The following WRNIP1 variants were observed in gnomAD, a reference collection of about 807,000 sequenced individuals.
The protein encoded by WRNIP1 is ATPase WRNIP1.
Under a neutral mutation model 56.1 loss-of-function variants are expected in WRNIP1, and 41 were observed. The observed-to-expected ratio is 0.73, with a 90% CI of 0.57 to 0.95. The LOEUF (loss-of-function observed/expected upper bound fraction) is 0.95. Among genes scored for constraint, WRNIP1 ranks in the 40% least tolerant of loss-of-function variants. The pLI is 0.00. For synonymous variants in WRNIP1, 547 were observed against 398.1 expected (o/e 1.37, Z -4.45); for missense variants, 1,170 against 939.4 (o/e 1.25, Z -3.21).
intron 4 of WRNIP1, among the ~76,000 whole-genome samples, chr6:2,782,665 C>T (rs1265088235): frequency 6.6e-6 from 1 of 152,256 alleles, no homozygotes; most frequent in African/African-American, 2.4e-5. Flanking sequence ...GCAGGTGCCA[C>T]TGCTTAGTTC....
At chr6:2,780,987 TTTTA>T (rs1297106555) in intron 4 of WRNIP1, among the ~76,000 whole-genome samples, 2 of 152,212 alleles carry the variant, frequency 1.3e-5, no homozygotes, top group African/African-American at 2.4e-5. Context: ...ATTACCCCCA[TTTTA>T]AGATAACAAA....
chr6:2,781,230 A>G (rs899220481), intron 4 of WRNIP1, among the ~76,000 whole-genome samples: 4 of 152,202 alleles, frequency 2.6e-5, no homozygotes, highest in African/African-American at 9.6e-5. Flanking sequence ...AGCTCTGCAC[A>G]GTGGGGATCA....
chr6:2,774,541 G>A (rs1765387899), intron 3 of WRNIP1, among the ~76,000 whole-genome samples: 2 of 152,138 alleles, frequency 1.3e-5, no homozygotes, highest in Admixed American at 6.5e-5. Flanking sequence ...TTGGATTTAA[G>A]GTACACTCTA....
chr6:2,766,258 G>T lies in WRNIP1; in HGVS notation c.636G>T (p.Ala212=), dbSNP rs1161817265. 2.0e-6 allele frequency: 3 copies of T among 1,528,754 alleles called. No homozygotes were observed. Among genetic ancestry groups the T allele is most frequent in the Non-Finnish European group, 1.8e-6 (2 of 1,138,750 alleles). 94.7% of individuals were successfully genotyped at this position (1,528,754 alleles called of 1,614,324 possible). A position where few individuals can be genotyped will look rare whatever the true frequency, so the allele number is the denominator to read the frequency against. Residue 212 remains alanine (A), a synonymous_variant, in exon 1 of 7, where the codon GCG becomes GCT. Transcript: ENST00000380773. The part of the protein sequence containing the change: ...ASGGGRPHPR[A]LAAEEIRQML... Reference sequence around the variant, plus strand: ...GCGGGGGCCGCCCGCACCCCCGGGCGCTGGCTGCCGAGGAGATCCGACAGA... The same window carrying T: ...GCGGGGGCCGCCCGCACCCCCGGGCTCTGGCTGCCGAGGAGATCCGACAGA...
At chr6:2,768,960 C>G in intron 2 of WRNIP1, 78 bp downstream of exon 2, 1 of 1,409,198 alleles carries the variant, frequency 7.1e-7, no homozygotes, top group Non-Finnish European at 9.6e-7. Context: ...TATACAAACG[C>G]TAGAGACTTA....
At chr6:2,775,165 G>A (rs538424848) in intron 3 of WRNIP1, among the ~76,000 whole-genome samples, 1 of 152,170 alleles carries the variant, frequency 6.6e-6, no homozygotes, top group Non-Finnish European at 1.5e-5. Flanking sequence ...TGCTACAAGG[G>A]GTGGAGGTGC....
chr6:2,784,686 G>A (rs976589409), intron 6 of WRNIP1, among the ~76,000 whole-genome samples: 12 of 152,062 alleles, frequency 7.9e-5, no homozygotes, highest in African/African-American at 2.9e-4. Context: ...GAACAGCAAA[G>A]CCTCTGCAAG....
intron 5 of WRNIP1, 122 bp from the exon 6 acceptor site, chr6:2,784,202 C>T (rs1176807591): frequency 3.8e-6 from 3 of 784,152 alleles, no homozygotes; most frequent in Non-Finnish European, 6.1e-6. Context: ...GGCTGTTTTG[C>T]TACATGGGAT....
chr6:2,783,628 T>C (rs1765630558), intron 5 of WRNIP1, 67 bp downstream of exon 5: 2 of 454,192 alleles, frequency 4.4e-6, no homozygotes, highest in South Asian at 2.0e-4. Context: ...AACAGTTACA[T>C]CGTGGCTTTT....
rs78352545 is a variant in WRNIP1 at position 2,768,993 on chromosome 6, G to A, written c.1014+111G>A. 515 of 1,125,022 alleles carry A rather than the reference G, an allele frequency of 4.6e-4. No homozygotes were observed. The African/African-American group carries it at 7.3e-3, about 16-fold the overall frequency. The allele number at this position is 1,125,022 out of a possible 1,614,324, so 69.7% of individuals were successfully genotyped here. The stretch of plus-strand genomic sequence containing the variant: ...TTACGAGCTTTGTTTACAAAGAAGC[G>A]TAGGCTTGTGAACCCATCTCCTTCA... On this transcript the variant is annotated intron_variant, in intron 2 of 6. Coordinates refer to ENST00000380773, the MANE Select transcript of WRNIP1 (RefSeq NM_020135.3).
In WRNIP1 at chr6:2,765,675, T is replaced by C; in HGVS notation, c.53T>C (p.Val18Ala). 1.3e-6 allele frequency: 2 copies of C among 1,552,340 alleles called. No homozygotes were observed. The highest frequency in any genetic ancestry group is 1.4e-5 in the African/African-American group (1 of 70,458). The change falls in exon 1 of 7, where the codon GTG becomes GCG. Residue 18 changes from valine to alanine, a missense_variant. Transcript: ENST00000380773. The stretch of plus-strand genomic sequence containing the variant: ...CCCTTCCTTTCGCAGCTGCACCAGG[T>C]GCAGTGCCCCGTGTGCCAGCAGATG... ...DDPFLSQLHQ[V>A]QCPVCQQMMP...
rs371970393 is a variant in WRNIP1, at chr6:2,770,199, A to G, written c.1094A>G (p.Asn365Ser). 5.6e-6 allele frequency: 9 copies of G among 1,614,194 alleles called. No individual in the cohort carries two copies. Among genetic ancestry groups the G allele is most frequent in the Admixed American group, 3.3e-5 (2 of 60,020 alleles). Reference sequence around the variant, plus strand: ...ACTGAAAACCCTTCCTTCCAGGTCAACGCTGCTCTTCTGAGCCGCTGTCGA... The same window carrying G: ...ACTGAAAACCCTTCCTTCCAGGTCAGCGCTGCTCTTCTGAGCCGCTGTCGA... Reference protein sequence around the residue: ...ATTENPSFQVNAALLSRCRVI... With the variant: ...ATTENPSFQVSAALLSRCRVI... The change falls in exon 3 of 7, where the codon AAC (asparagine) becomes AGC (serine). Residue 365 changes from asparagine to serine, a missense_variant. By Grantham distance (46) the Asn-to-Ser change is conservative (BLOSUM62 1). Coordinates refer to ENST00000380773, the MANE Select transcript of WRNIP1 (RefSeq NM_020135.3).
chr6:2,773,538 T>A (rs1765360327), intron 3 of WRNIP1: 2 of 985,426 alleles, frequency 2.0e-6, no homozygotes, highest in Admixed American at 6.1e-5. Flanking sequence ...TCAGGTATTT[T>A]GCTCTCCCAA....
intron 3 of WRNIP1, among the ~76,000 whole-genome samples, chr6:2,776,778 C>T (rs1278322902): frequency 6.6e-6 from 1 of 152,176 alleles, no homozygotes; most frequent in East Asian, 1.9e-4. Context: ...CCCATCTCGT[C>T]ACTGTCCAAA....
chr6:2,785,483 T>C lies in WRNIP1; in HGVS notation c.*201T>C. The stretch of plus-strand genomic sequence containing the variant: ...TGAAATTGTGTTCATTTGCACTCGG[T>C]GCAGCGGTTATGCTTATGAAAATAC... On this transcript the variant is annotated 3_prime_UTR_variant, in exon 7 of 7. Coordinates refer to ENST00000380773, the MANE Select transcript of WRNIP1 (RefSeq NM_020135.3). 1 of 604,042 alleles carries C rather than the reference T, an allele frequency of 1.7e-6. No individual in the cohort carries two copies. Among genetic ancestry groups the C allele is most frequent in the East Asian group, 2.8e-5 (1 of 35,718 alleles). The allele number at this position is 604,042 out of a possible 1,614,324, so 37.4% of individuals were successfully genotyped here. A position where few individuals can be genotyped will look rare whatever the true frequency, so the allele number is the denominator to read the frequency against.
rs1177523302 is a variant in WRNIP1, at chr6:2,779,412, A to G, written c.1406A>G (p.Tyr469Cys). ...KMFCKKSGQSYSPSRVLITEN... is the reference protein window; with the variant it reads ...KMFCKKSGQSCSPSRVLITEN... ...TTCTGTAAGAAGAGTGGGCAATCCT[A>G]TTCTCCCAGTAGAGTTCTGATCACA... The change falls in exon 4 of 7, where the codon TAT becomes TGT. Residue 469 changes from tyrosine to cysteine, a missense_variant. By Grantham distance (194) the Tyr-to-Cys change is radical. Coordinates refer to ENST00000380773, the MANE Select transcript of WRNIP1 (RefSeq NM_020135.3). 26 of 1,614,042 alleles carry G rather than the reference A, an allele frequency of 1.6e-5. No homozygotes were observed. The highest frequency in any genetic ancestry group is 2.2e-5 in the South Asian group (2 of 91,088).
intron 3 of WRNIP1, among the ~76,000 whole-genome samples, chr6:2,778,434 T>C (rs1213530246): frequency 6.6e-6 from 1 of 152,260 alleles, no homozygotes; most frequent in Non-Finnish European, 1.5e-5. Context: ...AAAATTTTAC[T>C]GAGTCAGCCT....
chr6:2,765,609 G>T lies in WRNIP1; in HGVS notation c.-14G>T. On this transcript the variant is annotated 5_prime_UTR_variant, in exon 1 of 7. It adds an upstream start codon to the 5' untranslated region. Coordinates refer to ENST00000380773, the MANE Select transcript of WRNIP1 (RefSeq NM_020135.3). ...CTGCGGCCGCGCCGGGCGCCGGGGA[G>T]GGCGGCGGCCGCCATGGAGGTGAGC... The T allele has an allele frequency of 6.6e-7, 1 of 1,506,542 alleles. No homozygotes were observed. Among genetic ancestry groups the T allele is most frequent in the Non-Finnish European group, 8.8e-7 (1 of 1,135,668 alleles). The allele number at this position is 1,506,542 out of a possible 1,614,324, so 93.3% of individuals were successfully genotyped here. A position where few individuals can be genotyped will look rare whatever the true frequency, so the allele number is the denominator to read the frequency against.
At chr6:2,778,379 G>GT (rs1765480128) in intron 3 of WRNIP1, among the ~76,000 whole-genome samples, 1 of 152,194 alleles carries the variant, frequency 6.6e-6, no homozygotes, top group Admixed American at 6.5e-5. Flanking sequence ...ACCCCACTAA[G>GT]TTATGAAATG....
Sources: gnomAD v4.1 joint callset for allele counts (sites outside exome capture counted in the v4.1 genomes callset) on GRCh38, gnomAD v4.1.1 for gene constraint, MANE v1.5 for transcripts, NCBI Gene and HGNC (gene_info 2026-07-23, HGNC 2026-07-21) for gene names.